The following TPST1 variants were observed in gnomAD, a reference collection of about 807,000 sequenced individuals.
The protein encoded by TPST1 is tyrosylprotein sulfotransferase 1.
A neutral mutation model predicts 34.8 loss-of-function variants in TPST1; 20 were observed. The observed-to-expected ratio is 0.57, with a 90% CI of 0.40 to 0.84. The LOEUF is 0.84. Ranked by LOEUF, TPST1 falls within the 40% of genes least tolerant of loss-of-function variation. The probability of loss-of-function intolerance (pLI) is 0.00; values close to 1 mark genes in which losing one functional copy is unlikely to be tolerated. For missense variants in TPST1, 353 were observed against 455.5 expected, an observed-to-expected ratio of 0.78 and a Z score of 2.05; for synonymous variants, 152 against 159.4, an observed-to-expected ratio of 0.95 and a Z score of 0.35.
At chr7:66,216,480 T>A (rs992919494) in intron 1 of TPST1, among the ~76,000 whole-genome samples, 16 of 151,752 alleles carry the variant, frequency 1.1e-4, no homozygotes, top group Non-Finnish European at 2.9e-5. Flanking sequence ...TTTTTCTTTT[T>A]TTTTTTTGAG....
intron 2 of TPST1, among the ~76,000 whole-genome samples, chr7:66,250,353 A>G (rs1468251297): frequency 1.3e-5 from 2 of 152,176 alleles, no homozygotes; most frequent in Non-Finnish European, 2.9e-5. Flanking sequence ...GTCTTCATCT[A>G]TACTTTTAGC....
intron 1 of TPST1, among the ~76,000 whole-genome samples, chr7:66,220,839 A>C (rs1177124833): frequency 6.6e-6 from 1 of 152,166 alleles, no homozygotes; most frequent in Non-Finnish European, 1.5e-5. Flanking sequence ...GCATTTTAGA[A>C]AGGTCGTTCC....
intron 2 of TPST1, among the ~76,000 whole-genome samples, chr7:66,269,589 A>ACTAC (rs1476765248): frequency 7.7e-6 from 1 of 129,638 alleles, no homozygotes; most frequent in Non-Finnish European, 1.6e-5. Flanking sequence ...CAGGAAAAAC[A>ACTAC]CTACCTAGAT....
chr7:66,239,677 T>C (rs1453162923), intron 1 of TPST1, among the ~76,000 whole-genome samples: 1 of 152,178 alleles, frequency 6.6e-6, no homozygotes, highest in East Asian at 1.9e-4. Context: ...CTCCAGACAT[T>C]CTTGGGCTTA....
chr7:66,312,466 C>A (rs1050390534), intron 3 of TPST1, among the ~76,000 whole-genome samples: 7 of 151,848 alleles, frequency 4.6e-5, no homozygotes, highest in African/African-American at 1.7e-4. Flanking sequence ...CATTTTTTAC[C>A]CCATGCTCTA....
chr7:66,278,715 G>A (rs754930712), intron 2 of TPST1, among the ~76,000 whole-genome samples: 28 of 151,890 alleles, frequency 1.8e-4, no homozygotes, highest in African/African-American at 5.8e-4. Context: ...CCTGGGAGGC[G>A]GAGCTTGCAG....
At chr7:66,240,218 A>T (rs954953301) in intron 1 of TPST1, 107 bp from the exon 2 acceptor site, 1 of 649,140 alleles carries the variant, frequency 1.5e-6, no homozygotes, top group African/African-American at 1.8e-5. Context: ...CAAAGAATCC[A>T]AGACTGTTTC....
chr7:66,281,818 T>A (rs1364468175), intron 2 of TPST1, among the ~76,000 whole-genome samples: 1 of 152,192 alleles, frequency 6.6e-6, no homozygotes, highest in Non-Finnish European at 1.5e-5. Context: ...AGCCTGGCTG[T>A]AGTGTTTAAC....
At chr7:66,323,381 G>A (rs1791797349) in intron 3 of TPST1, among the ~76,000 whole-genome samples, 1 of 150,330 alleles carries the variant, frequency 6.7e-6, no homozygotes, top group East Asian at 2.0e-4. Context: ...TCATGTTAAA[G>A]AAGCTTTCTT....
rs59477947 is a variant in TPST1 at position 66,262,538 on chromosome 7, G to GT, written c.845+21275dup. Among the ~76,000 whole-genome samples the GT allele has an allele frequency of 2.6e-3, 390 of 152,202 alleles. 1 individual carries two copies. The highest frequency in any genetic ancestry group is 9.1e-3 in the African/African-American group (376 of 41,526). On this transcript the variant is annotated intron_variant, in intron 2 of 5. Transcript: ENST00000304842. ...AATGGGAGATGGATCAAAGATGCCT[G>GT]TTTTTTTAGCTTTTTCTTCCATCTG... is the stretch of plus-strand genomic sequence containing the variant.
rs542123303 is a variant in TPST1 at position 66,240,793 on chromosome 7, G to T, written c.368G>T (p.Arg123Leu). Reference sequence around the variant, plus strand: ...TCACGGTCAAGTAAAGAGAAGATCCGCCTGGATGAGGCTGGTGTTACTGAT... The same window carrying T: ...TCACGGTCAAGTAAAGAGAAGATCCTCCTGGATGAGGCTGGTGTTACTGAT... ...MWSRSSKEKIRLDEAGVTDEV... is the reference protein window; with the variant it reads ...MWSRSSKEKILLDEAGVTDEV... Residue 123 changes from arginine to leucine, a missense_variant, in exon 2 of 6, where the codon CGC becomes CTC. Coordinates refer to ENST00000304842, the MANE Select transcript of TPST1 (RefSeq NM_003596.4). 1.9e-6 allele frequency: 3 copies of T among 1,614,170 alleles called. No homozygotes were observed. The highest frequency in any genetic ancestry group is 2.5e-6 in the Non-Finnish European group (3 of 1,180,026).
intron 3 of TPST1, among the ~76,000 whole-genome samples, chr7:66,328,859 G>GCTCGCTCT (rs1791926950): frequency 5.4e-5 from 1 of 18,414 alleles, no homozygotes; most frequent in African/African-American, 2.5e-4. Flanking sequence ...TCTCTCTCCC[G>GCTCGCTCT]CTCTCTCTCT....
At chr7:66,308,565 T>A (rs757241239) in intron 3 of TPST1, among the ~76,000 whole-genome samples, 1 of 152,178 alleles carries the variant, frequency 6.6e-6, no homozygotes, top group Admixed American at 6.5e-5. Flanking sequence ...CTACTCTACC[T>A]CTGCGTGTGC....
chr7:66,282,034 G>T (rs1014626023), intron 2 of TPST1, among the ~76,000 whole-genome samples: 4 of 152,196 alleles, frequency 2.6e-5, no homozygotes, highest in Admixed American at 2.6e-4. Context: ...CATGGGCCGT[G>T]TGTATTGAAA....
At chr7:66,252,312 C>G (rs1014769117) in intron 2 of TPST1, among the ~76,000 whole-genome samples, 2 of 150,142 alleles carry the variant, frequency 1.3e-5, no homozygotes, top group African/African-American at 4.9e-5. Flanking sequence ...CCCGCCTCGG[C>G]CTCCCAAAGT....
intron 1 of TPST1, among the ~76,000 whole-genome samples, chr7:66,238,759 C>G (rs1349466738): frequency 6.6e-6 from 1 of 152,218 alleles, no homozygotes; most frequent in Non-Finnish European, 1.5e-5. Flanking sequence ...ACACCAAAGT[C>G]TAGCCAAGTT....
At chr7:66,346,927 A>G (rs1792362650) in intron 3 of TPST1, among the ~76,000 whole-genome samples, 4 of 151,970 alleles carry the variant, frequency 2.6e-5, no homozygotes, top group Admixed American at 1.3e-4. Flanking sequence ...GAGTTTTCCA[A>G]ATGTTTTCTT....
intron 3 of TPST1, among the ~76,000 whole-genome samples, chr7:66,331,867 G>C (rs1792001083): frequency 6.6e-6 from 1 of 151,980 alleles, no homozygotes; most frequent in Non-Finnish European, 1.5e-5. Context: ...GATTCTCATA[G>C]GAGCACGAAC....
intron 3 of TPST1, among the ~76,000 whole-genome samples, chr7:66,339,007 A>G (rs1792178754): frequency 6.6e-6 from 1 of 152,118 alleles, no homozygotes. Context: ...AGCAGAAGTA[A>G]ATGAAACCAA....
Sources: allele counts gnomAD v4.1 joint callset (sites outside exome capture counted in the v4.1 genomes callset), GRCh38; gene constraint gnomAD v4.1.1; transcripts MANE v1.5; gene names NCBI Gene and HGNC (gene_info 2026-07-23, HGNC 2026-07-21).